Variants in HSD17B12 observed in about 807,000 individuals in gnomAD.
HSD17B12 encodes hydroxysteroid 17-beta dehydrogenase 12, also known as very-long-chain 3-oxoacyl-CoA reductase.
Under a neutral mutation model 39.3 loss-of-function variants are expected in HSD17B12, and 32 were observed. The observed-to-expected ratio is 0.81, with a 90% CI of 0.61 to 1.09. HSD17B12 has a LOEUF of 1.09. Among genes scored for constraint, HSD17B12 ranks in the 50% least tolerant of loss-of-function variants. The probability of loss-of-function intolerance (pLI) is 0.00; values close to 1 mark genes in which losing one functional copy is unlikely to be tolerated. For synonymous variants in HSD17B12, 150 were observed against 146.7 expected, an observed-to-expected ratio of 1.02 and a Z score of -0.16; for missense variants, 342 against 382.9, an observed-to-expected ratio of 0.89 and a Z score of 0.89.
At chr11:43,665,419 A>G in the HSD17B12 span, among the ~76,000 whole-genome samples, 2 of 152,048 alleles carry the variant, frequency 1.3e-5, no homozygotes, top group East Asian at 3.9e-4. Flanking sequence ...GGATCCCACT[A>G]TGTTGCCCAT....
At chr11:43,660,195 C>T in the HSD17B12 span, among the ~76,000 whole-genome samples, 2 of 152,136 alleles carry the variant, frequency 1.3e-5, no homozygotes, top group African/African-American at 4.8e-5. Flanking sequence ...AGGGTAGGCC[C>T]CTCATTGTTA....
chr11:43,753,238 CT>C (rs1280307411), intron 2 of HSD17B12, among the ~76,000 whole-genome samples: 1 of 152,038 alleles, frequency 6.6e-6, no homozygotes, highest in African/African-American at 2.4e-5. Context: ...CAATTAACTT[CT>C]TTAGTTTGCC....
At chr11:43,655,989 C>T in the HSD17B12 span, among the ~76,000 whole-genome samples, 1 of 152,182 alleles carries the variant, frequency 6.6e-6, no homozygotes, top group East Asian at 1.9e-4. Context: ...GGTACCAGCT[C>T]CTCCTTGTAC....
At chr11:43,598,516 C>CAG in the HSD17B12 span, among the ~76,000 whole-genome samples, 2 of 151,978 alleles carry the variant, frequency 1.3e-5, no homozygotes, top group African/African-American at 4.8e-5. Context: ...TTGTGGGCCT[C>CAG]AGAGTGGGAA....
chr11:43,681,607 A>G (rs1949745657), intron 1 of HSD17B12, among the ~76,000 whole-genome samples: 3 of 152,078 alleles, frequency 2.0e-5, no homozygotes, highest in Non-Finnish European at 2.9e-5. Context: ...ACTGTTCTGG[A>G]GTCCTAACGA....
At chr11:43,738,099 T>C (rs1024720106) in intron 1 of HSD17B12, among the ~76,000 whole-genome samples, 1 of 150,034 alleles carries the variant, frequency 6.7e-6, no homozygotes, top group African/African-American at 2.5e-5. Context: ...ACTACTTTGG[T>C]AATTTAGCAT....
At chr11:43,614,560 G>C in the HSD17B12 span, among the ~76,000 whole-genome samples, 1 of 152,108 alleles carries the variant, frequency 6.6e-6, no homozygotes, top group Non-Finnish European at 1.5e-5. Flanking sequence ...AAGTTTCTTA[G>C]ATCTGTGGGT....
At chr11:43,841,636 A>T (rs1341933715) in intron 9 of HSD17B12, among the ~76,000 whole-genome samples, 1 of 152,178 alleles carries the variant, frequency 6.6e-6, no homozygotes, top group East Asian at 1.9e-4. Context: ...AGGAGTTTTG[A>T]TGGTTGGCAA....
the HSD17B12 span, among the ~76,000 whole-genome samples, chr11:43,671,827 G>A: frequency 6.6e-6 from 1 of 152,148 alleles, no homozygotes; most frequent in Non-Finnish European, 1.5e-5. Context: ...AACTGTTAGT[G>A]GGAATAGAAA....
the HSD17B12 span, chr11:43,579,290 G>T: frequency 1.3e-5 from 2 of 152,308 alleles, no homozygotes; most frequent in Admixed American, 1.3e-4. Context: ...TTGGAGGAAG[G>T]CAGGAACGCA....
At chr11:43,760,342 G>A (rs935181217) in intron 3 of HSD17B12, among the ~76,000 whole-genome samples, 2 of 152,066 alleles carry the variant, frequency 1.3e-5, no homozygotes, top group Admixed American at 6.6e-5. Context: ...AAGCCACTGC[G>A]CCCAGCCCAC....
At chr11:43,768,396 C>T (rs1384134446) in intron 3 of HSD17B12, among the ~76,000 whole-genome samples, 1 of 152,180 alleles carries the variant, frequency 6.6e-6, no homozygotes, top group Non-Finnish European at 1.5e-5. Context: ...ACTCTGTACC[C>T]CAGGCTAGAG....
chr11:43,592,703 T>C, the HSD17B12 span, among the ~76,000 whole-genome samples: 5 of 152,142 alleles, frequency 3.3e-5, no homozygotes, highest in African/African-American at 1.2e-4. Flanking sequence ...TACACGGGTC[T>C]TTTTCCATCC....
intron 2 of HSD17B12, among the ~76,000 whole-genome samples, chr11:43,752,338 T>C (rs2134943888): frequency 6.6e-6 from 1 of 152,288 alleles, no homozygotes; most frequent in Non-Finnish European, 1.5e-5. Context: ...AATATATTAT[T>C]TCCCAAAAAT....
chr11:43,771,787 T>C (rs1415432380), intron 3 of HSD17B12, among the ~76,000 whole-genome samples: 1 of 152,006 alleles, frequency 6.6e-6, no homozygotes, highest in African/African-American at 2.4e-5. Flanking sequence ...GATAGTCTCT[T>C]TCTCATGTAT....
the HSD17B12 span, among the ~76,000 whole-genome samples, chr11:43,598,458 A>C: frequency 6.6e-6 from 1 of 151,682 alleles, no homozygotes; most frequent in Non-Finnish European, 1.5e-5. Flanking sequence ...CTCTTCTTGC[A>C]TCCCCATTTC....
intron 3 of HSD17B12, among the ~76,000 whole-genome samples, chr11:43,794,604 A>G (rs1265211987): frequency 2.6e-5 from 4 of 152,204 alleles, no homozygotes; most frequent in African/African-American, 7.2e-5. Context: ...AAGCTGTCCA[A>G]TCACTTTAAA....
the HSD17B12 span, among the ~76,000 whole-genome samples, chr11:43,581,945 G>T: frequency 6.6e-6 from 1 of 152,200 alleles, no homozygotes; most frequent in Admixed American, 6.5e-5. This position sits in a 1 kb window ranked among gnomAD's most constrained non-coding sequence, Gnocchi z 4.9. Context: ...TGGGGGTGGG[G>T]AAGCCCTTGA....
At chr11:43,583,395 C>T in the HSD17B12 span, among the ~76,000 whole-genome samples, 1 of 152,218 alleles carries the variant, frequency 6.6e-6, no homozygotes, top group African/African-American at 2.4e-5. Flanking sequence ...CTTGGAGAAG[C>T]TCCTGCTGCT....
Sources: gnomAD v4.1 joint callset for allele counts (sites outside exome capture counted in the v4.1 genomes callset) on GRCh38, gnomAD v4.1.1 for gene constraint, Gnocchi (gnomAD v3.1) non-coding constraint, MANE v1.5 for transcripts, NCBI Gene and HGNC (gene_info 2026-07-23, HGNC 2026-07-21) for gene names.